Variants in NOSIP observed in about 807,000 individuals in gnomAD.
NOSIP encodes the protein nitric oxide synthase interacting protein.
NOSIP carries 25 observed loss-of-function variants against 36.4 expected under a neutral mutation model. The observed-to-expected ratio is 0.69, with a 90% CI of 0.50 to 0.96. The LOEUF (loss-of-function observed/expected upper bound fraction) is 0.96. NOSIP is among the 40% of genes least tolerant of loss of function. The pLI is 0.00. For missense variants in NOSIP, 370 were observed against 429.0 expected, an observed-to-expected ratio of 0.86 and a Z score of 1.21; for synonymous variants, 187 against 179.2, an observed-to-expected ratio of 1.04 and a Z score of -0.35.
chr19:49,559,689 G>T, intron 3 of NOSIP: 1 of 523,118 alleles, frequency 1.9e-6, no homozygotes. Flanking sequence ...TGCTCCGATG[G>T]CCTCGGCAAT....
chr19:49,562,166 G>C (rs1350760819), intron 1 of NOSIP, among the ~76,000 whole-genome samples: 1 of 152,106 alleles, frequency 6.6e-6, no homozygotes, highest in Admixed American at 6.6e-5. Flanking sequence ...TTGTTGCCCA[G>C]ACTGGAATGC....
At chr19:49,568,397 G>C (rs906298707) in intron 1 of NOSIP, among the ~76,000 whole-genome samples, 1 of 152,032 alleles carries the variant, frequency 6.6e-6, no homozygotes, top group African/African-American at 2.4e-5. Context: ...CTGCGGTGGT[G>C]GTATTTGTTT....
At chr19:49,570,788 C>A (rs2080473981) in intron 1 of NOSIP, among the ~76,000 whole-genome samples, 1 of 152,066 alleles carries the variant, frequency 6.6e-6, no homozygotes, top group Non-Finnish European at 1.5e-5. Flanking sequence ...TGGACACATT[C>A]CCCACTCTAT....
chr19:49,571,669 C>G (rs549136921), intron 1 of NOSIP, among the ~76,000 whole-genome samples: 1 of 152,088 alleles, frequency 6.6e-6, no homozygotes, highest in Non-Finnish European at 1.5e-5. Flanking sequence ...GTCAGTTTTC[C>G]TAGGAAAGTC....
intron 1 of NOSIP, among the ~76,000 whole-genome samples, chr19:49,574,980 A>G (rs1359642722): frequency 1.3e-5 from 2 of 150,466 alleles, no homozygotes; most frequent in African/African-American, 4.9e-5. Context: ...CTCCTGCCTC[A>G]GCCTCCCGAG....
At position 49,563,584 on chromosome 19, in the gene NOSIP, CT is replaced by C. The variant is rs545621588; in HGVS notation, c.-1-2893del. 5.1e-3 allele frequency among the ~76,000 whole-genome samples: 768 copies of C among 151,976 alleles called. 7 individuals are homozygous for C. Among genetic ancestry groups the C allele is most frequent in the Non-Finnish European group, 7.3e-3 (493 of 67,994 alleles). ...TCTCAGCTCACTACAACCTCCGCCT[CT>C]TGGGTTCAAGCAATTCTCCTGCCTC... On this transcript the variant is annotated intron_variant, in intron 1 of 8. Coordinates refer to ENST00000596358, the MANE Select transcript of NOSIP (RefSeq NM_001270960.2).
At position 49,555,827 on chromosome 19, in the gene NOSIP, G is replaced by A; in HGVS notation, c.835-5C>T. On this transcript the variant is annotated splice_polypyrimidine_tract_variant and splice_region_variant and intron_variant, in intron 8 of 8. Transcript: ENST00000596358. ...GCCCGCGAAGCCGGTACCGCCCTGGGGGAGGTAGAGAGAAGGACGAGGTAG... is the reference window on the plus strand; with the variant it reads ...GCCCGCGAAGCCGGTACCGCCCTGGAGGAGGTAGAGAGAAGGACGAGGTAG... 1 of 1,612,892 alleles carries A rather than the reference G, an allele frequency of 6.2e-7. No individual in the cohort carries two copies. The highest frequency in any genetic ancestry group is 8.5e-7 in the Non-Finnish European group (1 of 1,179,402).
intron 1 of NOSIP, among the ~76,000 whole-genome samples, chr19:49,570,235 G>C (rs2080467471): frequency 6.6e-6 from 1 of 152,134 alleles, no homozygotes; most frequent in South Asian, 2.1e-4. Context: ...AGAAGTTGGG[G>C]TGGGGAGCAC....
chr19:49,575,159 G>A (rs1187312869), intron 1 of NOSIP, among the ~76,000 whole-genome samples: 5 of 151,978 alleles, frequency 3.3e-5, no homozygotes, highest in African/African-American at 7.2e-5. Flanking sequence ...CACTGCGCCC[G>A]GCCTCATTTT....
In NOSIP at chr19:49,555,702, G is replaced by A. The variant is rs1363086701; in HGVS notation, c.*49C>T. On this transcript the variant is annotated 3_prime_UTR_variant, in exon 9 of 9. Transcript: ENST00000596358. ...GGGCGCCCACGCCGCGAATGAAGGCGCCACGTCGTTGCGCACCCAAGCCGG... is the reference window on the plus strand; with the variant it reads ...GGGCGCCCACGCCGCGAATGAAGGCACCACGTCGTTGCGCACCCAAGCCGG... 3 of 1,532,456 alleles carry A rather than the reference G, an allele frequency of 2.0e-6. No homozygotes were observed. The highest frequency in any genetic ancestry group is 2.7e-6 in the Non-Finnish European group (3 of 1,108,096). 94.9% of individuals were successfully genotyped at this position (1,532,456 alleles called of 1,614,324 possible). A position where few individuals can be genotyped will look rare whatever the true frequency, so the allele number is the denominator to read the frequency against.
At chr19:49,558,673 G>T (rs1026765296) in intron 4 of NOSIP, 3 of 595,854 alleles carry the variant, frequency 5.0e-6, no homozygotes, top group Non-Finnish European at 9.0e-6. Flanking sequence ...TATGCTAAGT[G>T]CTAAGAGAAG....
At position 49,556,557 on chromosome 19, in the gene NOSIP, C is replaced by T. The variant is rs200454878; in HGVS notation, c.717G>A (p.Leu239=). Residue 239 remains leucine (L), a synonymous_variant, in exon 7 of 9, where the codon CTG becomes CTA. Coordinates refer to ENST00000596358, the MANE Select transcript of NOSIP (RefSeq NM_001270960.2). ...SLSNATPCAV[L]RPSGAVVTLE... ...CCTCCCAGGTGACTCACGAGGGCCG[C>T]AGCACAGCGCAGGGGGTGGCGTTGC... 1.2e-6 allele frequency: 2 copies of T among 1,604,172 alleles called. No homozygotes were observed. The highest frequency in any genetic ancestry group is 2.2e-5 in the East Asian group (1 of 44,752).
intron 1 of NOSIP, among the ~76,000 whole-genome samples, chr19:49,561,637 T>C (rs1016077747): frequency 2.0e-5 from 3 of 152,148 alleles, no homozygotes; most frequent in Non-Finnish European, 2.9e-5. Context: ...ATCTCAGCAC[T>C]TTGGGAGGCT....
Position 49,556,668 on chromosome 19 carries a change from G to T in NOSIP, c.606C>A (p.Phe202Leu). Residue 202 changes from phenylalanine (F) to leucine (L), a missense_variant, in exon 7 of 9, where the codon TTC becomes TTA. By Grantham distance (22) the Phe-to-Leu change is conservative. Coordinates refer to ENST00000596358, the MANE Select transcript of NOSIP (RefSeq NM_001270960.2). ...LRMSDLTPVH[F>L]TPLDSSVDRV... The stretch of plus-strand genomic sequence containing the variant: ...GGTCCACGGAGCTGTCTAGCGGTGT[G>T]AAGTGCACGGGCGTCAGGTCCGACA... 6.2e-7 allele frequency: 1 copy of T among 1,611,878 alleles called. No individual in the cohort carries two copies.
chr19:49,579,501 C>T (rs772852060), intron 1 of NOSIP, among the ~76,000 whole-genome samples: 1 of 152,170 alleles, frequency 6.6e-6, no homozygotes, highest in Non-Finnish European at 1.5e-5. Context: ...AAGGAAGTCC[C>T]CTCTACTTTA....
chr19:49,571,664 T>C (rs1415297415), intron 1 of NOSIP, among the ~76,000 whole-genome samples: 1 of 151,986 alleles, frequency 6.6e-6, no homozygotes, highest in Non-Finnish European at 1.5e-5. Context: ...CAACTGTCAG[T>C]TTTCCTAGGA....
chr19:49,557,456 A>C (rs2080270263), intron 4 of NOSIP: 26 of 1,408,578 alleles, frequency 1.8e-5, no homozygotes, highest in Admixed American at 8.9e-5. Flanking sequence ...CATCTCTGTC[A>C]CTCTGTGGCC....
rs767622716 is a variant in NOSIP at position 49,559,501 on chromosome 19, ACT to A, written c.176+431_176+432del. The A allele has an allele frequency of 3.3e-4, 62 of 187,902 alleles. 1 individual carries two copies. The highest frequency in any genetic ancestry group is 6.3e-4 in the Non-Finnish European group (57 of 90,330). The allele number at this position is 187,902 out of a possible 1,614,324, so 11.6% of individuals were successfully genotyped here. A position where few individuals can be genotyped will look rare whatever the true frequency, so the allele number is the denominator to read the frequency against. On this transcript the variant is annotated intron_variant, in intron 3 of 8. Transcript: ENST00000596358. The stretch of plus-strand genomic sequence containing the variant: ...CTCCAGCCTGGGCAACAAAGTGAAG[ACT>A]CTGTCTCAAAAAAAAAAAAGAAACC...
chr19:49,565,770 A>AAAAGC (rs1555734910), intron 1 of NOSIP, among the ~76,000 whole-genome samples: 1 of 111,916 alleles, frequency 8.9e-6, no homozygotes, highest in African/African-American at 3.5e-5. Flanking sequence ...AAGAAAAAAA[A>AAAAGC]AAGAAAGAAA....
Sources: gnomAD v4.1 joint callset for allele counts (sites outside exome capture counted in the v4.1 genomes callset) on GRCh38, gnomAD v4.1.1 for gene constraint, MANE v1.5 for transcripts, NCBI Gene and HGNC (gene_info 2026-07-23, HGNC 2026-07-21) for gene names.